ATG10: variants seen among roughly 807,000 people sequenced by gnomAD.
ATG10 encodes the protein autophagy related 10.
In ATG10, 30 loss-of-function variants were observed where a neutral mutation model predicts 32.1. The observed-to-expected ratio is 0.94, with a 90% CI of 0.70 to 1.27. The LOEUF is 1.27. Among genes scored for constraint, ATG10 ranks in the 50% most tolerant of loss-of-function variants. The pLI is 0.00. For synonymous variants in ATG10, 87 were observed against 91.5 expected (o/e 0.95, Z 0.28); for missense variants, 233 against 262.3 (o/e 0.89, Z 0.77).
chr5:82,124,646 T>A (rs1448480563), intron 3 of ATG10, among the ~76,000 whole-genome samples: 1 of 151,960 alleles, frequency 6.6e-6, no homozygotes, highest in African/African-American at 2.4e-5. Context: ...TTTTAGGGTA[T>A]TCCATGGTGT....
chr5:82,183,659 C>T (rs1006196248), intron 5 of ATG10, among the ~76,000 whole-genome samples: 1 of 152,136 alleles, frequency 6.6e-6, no homozygotes, highest in African/African-American at 2.4e-5. Context: ...CTAATTCTAT[C>T]ATTCATTATT....
Position 82,034,422 on chromosome 5 carries a change from A to T in ATG10, c.109-24073A>T, listed in dbSNP as rs185792886. 3.3e-3 allele frequency among the ~76,000 whole-genome samples: 497 copies of T among 152,294 alleles called. 8 individuals carry two copies. The highest frequency in any genetic ancestry group is 2.9e-3 in the Non-Finnish European group (194 of 68,024). ...CACCTTCATTGTACCACCTTAGCGC[A>T]GGCTGTCATCTTTTTTCACCTGGCT... On this transcript the variant is annotated intron_variant, in intron 2 of 7. Transcript: ENST00000282185.
chr5:82,116,203 C>A (rs1480601927), intron 3 of ATG10, among the ~76,000 whole-genome samples: 1 of 151,960 alleles, frequency 6.6e-6, no homozygotes, highest in Non-Finnish European at 1.5e-5. Flanking sequence ...TTTGTGTTAT[C>A]AAATTCATAT....
chr5:82,016,432 G>T (rs1257758847), intron 2 of ATG10, among the ~76,000 whole-genome samples: 1 of 152,058 alleles, frequency 6.6e-6, no homozygotes, highest in Non-Finnish European at 1.5e-5. Context: ...CTGTTCTGTT[G>T]GTCTATAGGC....
At chr5:82,090,579 T>G (rs1223240326) in intron 3 of ATG10, among the ~76,000 whole-genome samples, 4 of 152,182 alleles carry the variant, frequency 2.6e-5, no homozygotes, top group Non-Finnish European at 5.9e-5. Context: ...GAGAACAGAT[T>G]CCTGGTTGTC....
At chr5:82,109,005 A>T (rs1765528576) in intron 3 of ATG10, among the ~76,000 whole-genome samples, 1 of 152,128 alleles carries the variant, frequency 6.6e-6, no homozygotes, top group Non-Finnish European at 1.5e-5. Context: ...AAGAAAAGTC[A>T]GAGCTACAAC....
chr5:82,191,511 T>C (rs1450861823), intron 5 of ATG10, among the ~76,000 whole-genome samples: 1 of 152,168 alleles, frequency 6.6e-6, no homozygotes, highest in Non-Finnish European at 1.5e-5. Context: ...TGAACACCGT[T>C]ATGAGGTTGA....
Position 82,139,907 on chromosome 5 carries a change from G to A in ATG10, c.217-24492G>A, listed in dbSNP as rs1221299778. Among the ~76,000 whole-genome samples, 841 of 126,862 alleles carry A rather than the reference G, an allele frequency of 6.6e-3. 3 individuals are homozygous for A. The highest frequency in any genetic ancestry group is 0.023 in the African/African-American group (759 of 33,500). The allele number at this position is 126,862 out of a possible 152,430, so 83.2% of individuals were successfully genotyped here. ...AGGGAGGTGGGGGGGTCAGCCCCCC[G>A]CCTGGCCAGCCGCCCCATCCGGGAG... is the stretch of plus-strand genomic sequence containing the variant. On this transcript the variant is annotated intron_variant, in intron 3 of 7. Transcript: ENST00000282185.
intron 3 of ATG10, among the ~76,000 whole-genome samples, chr5:82,150,789 C>G (rs1457765606): frequency 6.6e-6 from 1 of 152,216 alleles, no homozygotes; most frequent in Non-Finnish European, 1.5e-5. Context: ...ACTGCAGGCT[C>G]TGTAACAGAA....
rs147834345 is a variant in ATG10 at position 82,206,482 on chromosome 5, C to T, written c.453+27895C>T. Among the ~76,000 whole-genome samples, 422 of 151,948 alleles carry T rather than the reference C, an allele frequency of 2.8e-3. 1 individual carries two copies. Among genetic ancestry groups the T allele is most frequent in the Middle Eastern group, 6.8e-3 (2 of 294 alleles). ...CTAACACGGTGAAACCCCGTCTCTA[C>T]TTAAAAAAATACAAAAAATTAGCCA... On this transcript the variant is annotated intron_variant, in intron 5 of 7. Transcript: ENST00000282185.
intron 3 of ATG10, among the ~76,000 whole-genome samples, chr5:82,128,307 T>C (rs1188361308): frequency 6.6e-6 from 1 of 152,068 alleles, no homozygotes; most frequent in African/African-American, 2.4e-5. Context: ...AATATTGTTA[T>C]ATGTGAATTT....
intron 3 of ATG10, among the ~76,000 whole-genome samples, chr5:82,080,844 G>T (rs1764453133): frequency 1.3e-5 from 2 of 152,144 alleles, no homozygotes; most frequent in Admixed American, 1.3e-4. Context: ...TTGGCAGTGT[G>T]GGCTCTTTTT....
chr5:81,994,359 T>A (rs937855106), intron 2 of ATG10, among the ~76,000 whole-genome samples: 2 of 152,196 alleles, frequency 1.3e-5, no homozygotes, highest in African/African-American at 4.8e-5. Context: ...AAAGCTATTT[T>A]GAAGAATAAG....
intron 1 of ATG10, among the ~76,000 whole-genome samples, chr5:81,974,052 T>C (rs955308187): frequency 2.0e-5 from 3 of 152,188 alleles, no homozygotes; most frequent in Non-Finnish European, 4.4e-5. Context: ...CTAATACATT[T>C]CTGAGAAAGG....
At chr5:82,094,425 A>G (rs974400583) in intron 3 of ATG10, among the ~76,000 whole-genome samples, 2 of 152,128 alleles carry the variant, frequency 1.3e-5, no homozygotes, top group Admixed American at 6.6e-5. Flanking sequence ...ACAAATAATA[A>G]TGATATATAT....
chr5:82,118,316 G>GTA (rs1474669836), intron 3 of ATG10, among the ~76,000 whole-genome samples: 156 of 135,608 alleles, frequency 1.2e-3, no homozygotes, highest in African/African-American at 3.7e-3. Flanking sequence ...GTGTGTGTGT[G>GTA]TATATATATA....
rs573735182 is a variant in ATG10 at position 82,145,710 on chromosome 5, C to CT, written c.217-18675dup. 2.7e-3 allele frequency among the ~76,000 whole-genome samples: 385 copies of CT among 142,718 alleles called. 2 individuals carry two copies. Among genetic ancestry groups the CT allele is most frequent in the Middle Eastern group, 7.4e-3 (2 of 272 alleles). 93.6% of individuals were successfully genotyped at this position (142,718 alleles called of 152,430 possible). On this transcript the variant is annotated intron_variant, in intron 3 of 7. Coordinates refer to ENST00000282185, the MANE Select transcript of ATG10 (RefSeq NM_031482.5). ...TTAAAATTTAAGATAACATTATAGT[C>CT]TTTTTTTTTTTTTTGAGACAGAGTC...
In ATG10 at chr5:82,065,457, G is replaced by A. The variant is rs1312201137; in HGVS notation, c.216+6855G>A. Reference sequence around the variant, plus strand: ...AGATTGCACCACTGCACTCCAGCCTGGGCGAGAGAGCAAGACATTGTCTCA... The same window carrying A: ...AGATTGCACCACTGCACTCCAGCCTAGGCGAGAGAGCAAGACATTGTCTCA... On this transcript the variant is annotated intron_variant, in intron 3 of 7. Coordinates refer to ENST00000282185, the MANE Select transcript of ATG10 (RefSeq NM_031482.5). Among the ~76,000 whole-genome samples the A allele has an allele frequency of 2.6e-5, 4 of 151,786 alleles. No homozygotes were observed. The East Asian group carries it at 5.8e-4, about 22-fold the overall frequency.
At chr5:82,100,437 T>C (rs1765231002) in intron 3 of ATG10, among the ~76,000 whole-genome samples, 1 of 152,172 alleles carries the variant, frequency 6.6e-6, no homozygotes, top group Admixed American at 6.5e-5. Flanking sequence ...AGTCTCTCTC[T>C]AGGTGGTAGT....
Sources: gnomAD v4.1 joint callset for allele counts (sites outside exome capture counted in the v4.1 genomes callset) on GRCh38, gnomAD v4.1.1 for gene constraint, MANE v1.5 for transcripts, NCBI Gene and HGNC (gene_info 2026-07-23, HGNC 2026-07-21) for gene names.